HTR1F: variants seen among roughly 807,000 people sequenced by gnomAD.
HTR1F encodes 5-hydroxytryptamine receptor 1F.
In HTR1F, 17 loss-of-function variants were observed where a neutral mutation model predicts 24.0. That is an observed-to-expected ratio of 0.71 (90% CI 0.48 to 1.06). HTR1F has a LOEUF of 1.06. Among genes scored for constraint, HTR1F ranks in the 50% least tolerant of loss-of-function variants. HTR1F has a pLI of 0.00. For synonymous variants in HTR1F, 186 were observed against 156.8 expected (o/e 1.19, Z -1.39); for missense variants, 391 against 427.8 (o/e 0.91, Z 0.76).
At chr3:87,901,258 G>T (rs1190077150) in intron 2 of HTR1F, among the ~76,000 whole-genome samples, 1 of 152,118 alleles carries the variant, frequency 6.6e-6, no homozygotes, top group South Asian at 2.1e-4. Flanking sequence ...CTGTATTTGA[G>T]ATAAGGGCTT....
At chr3:87,879,573 T>G (rs918713859) in intron 2 of HTR1F, among the ~76,000 whole-genome samples, 3 of 152,204 alleles carry the variant, frequency 2.0e-5, no homozygotes, top group Non-Finnish European at 2.9e-5. Context: ...TTAACTGTAA[T>G]GGCATCATAA....
Position 87,798,559 on chromosome 3 carries a change from G to A in HTR1F, c.-160+5717G>A, listed in dbSNP as rs527494308. ...CCCCCCTCCACCCGCCGTAGCTAGAGTCCCATTTGATCTTTTCTCAGCTAT... is the reference window on the plus strand; with the variant it reads ...CCCCCCTCCACCCGCCGTAGCTAGAATCCCATTTGATCTTTTCTCAGCTAT... On this transcript the variant is annotated intron_variant, in intron 1 of 2. Coordinates refer to ENST00000319595, the MANE Select transcript of HTR1F (RefSeq NM_001322209.2). 6.6e-5 allele frequency among the ~76,000 whole-genome samples: 10 copies of A among 151,432 alleles called. No individual in the cohort carries two copies. In the East Asian group the frequency reaches 1.9e-3, roughly 29 times the overall value.
intron 2 of HTR1F, among the ~76,000 whole-genome samples, chr3:87,978,061 A>T (rs1158602144): frequency 5.3e-5 from 8 of 152,224 alleles, no homozygotes; most frequent in African/African-American, 1.9e-4. Context: ...GCAAGCTGGC[A>T]GCTGCAGAGG....
chr3:87,858,699 C>T (rs1176017509), intron 2 of HTR1F, among the ~76,000 whole-genome samples: 1 of 151,788 alleles, frequency 6.6e-6, no homozygotes, highest in African/African-American at 2.4e-5. Flanking sequence ...TTTGTGTAAC[C>T]TTCTGAATAT....
intron 2 of HTR1F, among the ~76,000 whole-genome samples, chr3:87,926,086 GCTT>G (rs1249123174): frequency 2.0e-5 from 3 of 152,054 alleles, no homozygotes; most frequent in African/African-American, 7.2e-5. Context: ...TAAGACATAG[GCTT>G]AAATCAATCT....
intron 2 of HTR1F, among the ~76,000 whole-genome samples, chr3:87,927,797 A>G (rs1156565537): frequency 6.6e-6 from 1 of 152,178 alleles, no homozygotes; most frequent in Non-Finnish European, 1.5e-5. Flanking sequence ...ATACACAAGT[A>G]AATAAGACAG....
At chr3:87,989,008 GTTAACA>G (rs1383911698) in intron 2 of HTR1F, among the ~76,000 whole-genome samples, 1 of 151,998 alleles carries the variant, frequency 6.6e-6, no homozygotes. Flanking sequence ...ACAGAACTAC[GTTAACA>G]TTAATTTAAG....
chr3:87,983,223 T>C (rs994759156), intron 2 of HTR1F, among the ~76,000 whole-genome samples: 4 of 151,844 alleles, frequency 2.6e-5, no homozygotes, highest in Admixed American at 6.6e-5. Context: ...ATCTGAGAAG[T>C]GTATGTCAGG....
At chr3:87,933,224 A>G (rs1704326460) in intron 2 of HTR1F, among the ~76,000 whole-genome samples, 1 of 152,048 alleles carries the variant, frequency 6.6e-6, no homozygotes, top group Non-Finnish European at 1.5e-5. Context: ...AGAGCTATCT[A>G]TGACAAACCC....
chr3:87,848,158 C>T (rs1477479509), intron 2 of HTR1F, among the ~76,000 whole-genome samples: 1 of 151,832 alleles, frequency 6.6e-6, no homozygotes, highest in Non-Finnish European at 1.5e-5. Flanking sequence ...CCCTTTTCAG[C>T]ACATCCTTGC....
chr3:87,818,221 G>A (rs1415084723), intron 1 of HTR1F, among the ~76,000 whole-genome samples: 1 of 152,072 alleles, frequency 6.6e-6, no homozygotes, highest in Non-Finnish European at 1.5e-5. Context: ...AAAGCTTCAA[G>A]TTTTTTCTAG....
chr3:87,798,947 C>T (rs1299115713), intron 1 of HTR1F, among the ~76,000 whole-genome samples: 1 of 152,132 alleles, frequency 6.6e-6, no homozygotes, highest in Non-Finnish European at 1.5e-5. Context: ...TCTTAGCTCT[C>T]TTGTTCATTC....
chr3:87,962,699 T>C (rs1705087549), intron 2 of HTR1F, among the ~76,000 whole-genome samples: 1 of 152,078 alleles, frequency 6.6e-6, no homozygotes, highest in South Asian at 2.1e-4. Context: ...TTAATATTTG[T>C]ACTCTTCAGT....
intron 2 of HTR1F, among the ~76,000 whole-genome samples, chr3:87,981,591 C>G (rs1705545603): frequency 6.6e-6 from 1 of 152,212 alleles, no homozygotes; most frequent in Admixed American, 6.5e-5. Context: ...CTTCACAACT[C>G]CACTTCTGCC....
intron 2 of HTR1F, among the ~76,000 whole-genome samples, chr3:87,941,009 G>A (rs1200380533): frequency 6.6e-6 from 1 of 152,162 alleles, no homozygotes; most frequent in Admixed American, 6.5e-5. Context: ...TCCTTACTCA[G>A]GTAGGCCATG....
intron 1 of HTR1F, among the ~76,000 whole-genome samples, chr3:87,798,204 C>A (rs918510885): frequency 3.5e-4 from 53 of 152,092 alleles, no homozygotes; most frequent in African/African-American, 1.2e-3. Context: ...TCTGCCCCCT[C>A]CCCCTTCAGT....
chr3:87,844,175 C>A (rs1307687276), intron 2 of HTR1F, among the ~76,000 whole-genome samples: 1 of 151,920 alleles, frequency 6.6e-6, no homozygotes, highest in African/African-American at 2.4e-5. Flanking sequence ...TTCTCCACAT[C>A]CTCTCCATCA....
chr3:87,864,820 T>A (rs1705389159), intron 2 of HTR1F, among the ~76,000 whole-genome samples: 1 of 148,486 alleles, frequency 6.7e-6, no homozygotes, highest in South Asian at 2.1e-4. Flanking sequence ...CGCTTGAACC[T>A]GGGAGGCAAA....
chr3:87,873,579 A>T (rs1705607280), intron 2 of HTR1F, among the ~76,000 whole-genome samples: 1 of 152,204 alleles, frequency 6.6e-6, no homozygotes, highest in Non-Finnish European at 1.5e-5. Flanking sequence ...TCAAAGACAT[A>T]CCCAGAAATA....
Sources: gnomAD v4.1 joint callset for allele counts (sites outside exome capture counted in the v4.1 genomes callset) on GRCh38, gnomAD v4.1.1 for gene constraint, MANE v1.5 for transcripts, NCBI Gene and HGNC (gene_info 2026-07-23, HGNC 2026-07-21) for gene names.